OSBPL10: variants seen among roughly 807,000 people sequenced by gnomAD.
OSBPL10 encodes the protein oxysterol-binding protein-related protein 10.
OSBPL10 carries 49 observed loss-of-function variants against 81.7 expected under a neutral mutation model. That is an observed-to-expected ratio of 0.60 (90% CI 0.48 to 0.76). The LOEUF (loss-of-function observed/expected upper bound fraction) is 0.76, where lower values mean the gene tolerates loss of function less well. Ranked by LOEUF, OSBPL10 falls within the 30% of genes least tolerant of loss-of-function variation. OSBPL10 has a pLI of 0.00. For synonymous variants in OSBPL10, 419 were observed against 383.6 expected, an observed-to-expected ratio of 1.09 and a Z score of -1.08; for missense variants, 923 against 987.8, an observed-to-expected ratio of 0.93 and a Z score of 0.88.
rs79699499 is a variant in OSBPL10 at position 31,840,452 on chromosome 3, T to C, written c.538-10221A>G. Among the ~76,000 whole-genome samples, 1,165 of 152,292 alleles carry C rather than the reference T, an allele frequency of 7.6e-3. 22 individuals are homozygous for C. Among genetic ancestry groups the C allele is most frequent in the African/African-American group, 0.025 (1,056 of 41,550 alleles). ...AATGTTTCATGCTAAAAAAATTAAA[T>C]CACGACATCATCAACATGCCCAAGC... is the stretch of plus-strand genomic sequence containing the variant. On this transcript the variant is annotated intron_variant, in intron 3 of 11. Coordinates refer to ENST00000396556, the MANE Select transcript of OSBPL10 (RefSeq NM_017784.5).
chr3:31,783,977 A>T (rs893669767), intron 4 of OSBPL10, among the ~76,000 whole-genome samples: 47 of 150,992 alleles, frequency 3.1e-4, no homozygotes, highest in Non-Finnish European at 5.6e-4. Flanking sequence ...TCTTCTCTAT[A>T]AACCAAATGA....
At chr3:32,049,144 T>C (rs375474286) in intron 1 of OSBPL10, among the ~76,000 whole-genome samples, 56 of 152,308 alleles carry the variant, frequency 3.7e-4, no homozygotes, top group African/African-American at 1.3e-3. Flanking sequence ...ACTATAAGTA[T>C]ACTCAGTTGA....
At chr3:32,022,427 G>A (rs2125546115) in intron 2 of OSBPL10, among the ~76,000 whole-genome samples, 1 of 152,292 alleles carries the variant, frequency 6.6e-6, no homozygotes, top group Non-Finnish European at 1.5e-5. Flanking sequence ...CTACACATTG[G>A]TTTGACCTAA....
At chr3:31,907,137 A>T (rs1278244504) in intron 1 of OSBPL10, 1 of 152,208 alleles carries the variant, frequency 6.6e-6, no homozygotes, top group Non-Finnish European at 1.5e-5. Flanking sequence ...AGGGAGTAAA[A>T]GCAATAGCAA....
In OSBPL10 at chr3:31,679,391, G is replaced by A. The variant is rs773184669; in HGVS notation, c.1726+4243C>T. On this transcript the variant is annotated intron_variant, in intron 8 of 11. Transcript: ENST00000396556. ...TGGAGCATGAGCTCCCGGGGGCAGG[G>A]AATCTGTGTGCTGTGGCCTCTGCTG... 2.0e-5 allele frequency among the ~76,000 whole-genome samples: 3 copies of A among 152,300 alleles called. No individual in the cohort carries two copies. The East Asian group carries it at 5.8e-4, about 29-fold the overall frequency.
rs555143625 is a variant in OSBPL10 at position 31,907,865 on chromosome 3, G to A, written c.282-28035C>T. The stretch of plus-strand genomic sequence containing the variant: ...GCCCTTGTGGAACTGATATTCTAGG[G>A]GTGGGAAATAAATTATAAACATATA... On this transcript the variant is annotated intron_variant, in intron 1 of 11. Transcript: ENST00000396556. Among the ~76,000 whole-genome samples, 15 of 152,132 alleles carry A rather than the reference G, an allele frequency of 9.9e-5. No individual in the cohort carries two copies. In the East Asian group the frequency reaches 1.9e-3, roughly 20 times the overall value.
intron 6 of OSBPL10, chr3:31,721,594 T>C (rs1439613507): frequency 6.6e-6 from 1 of 152,224 alleles, no homozygotes; most frequent in Non-Finnish European, 1.5e-5. Context: ...GAATAAGTTA[T>C]TAGTGGAGGT....
intron 3 of OSBPL10, among the ~76,000 whole-genome samples, chr3:31,860,872 T>G (rs113402778): frequency 0.015 from 1,738 of 116,190 alleles, 31 homozygotes; most frequent in African/African-American, 0.046. Flanking sequence ...TTTTTTTGGG[T>G]TTTTTTTTTT....
chr3:31,846,966 A>G (rs1325007049), intron 3 of OSBPL10, among the ~76,000 whole-genome samples: 1 of 152,126 alleles, frequency 6.6e-6, no homozygotes, highest in African/African-American at 2.4e-5. Context: ...TTTTCTCTAC[A>G]AAGAACTTTT....
chr3:31,882,559 T>G (rs1695612682), intron 1 of OSBPL10, among the ~76,000 whole-genome samples: 1 of 152,234 alleles, frequency 6.6e-6, no homozygotes, highest in African/African-American at 2.4e-5. Flanking sequence ...ATCCCTTTCC[T>G]CCTCTTCCAG....
At chr3:31,666,173 G>C (rs905297130) in intron 10 of OSBPL10, among the ~76,000 whole-genome samples, 1 of 152,206 alleles carries the variant, frequency 6.6e-6, no homozygotes, top group Non-Finnish European at 1.5e-5. Flanking sequence ...AGTGGCTGAG[G>C]CAGGGCAGGA....
At chr3:31,792,119 C>T (rs942079994) in intron 4 of OSBPL10, among the ~76,000 whole-genome samples, 16 of 151,826 alleles carry the variant, frequency 1.1e-4, no homozygotes, top group Non-Finnish European at 1.8e-4. Context: ...GTCCCAGCTA[C>T]TCGTGACACT....
intron 1 of OSBPL10, among the ~76,000 whole-genome samples, chr3:31,926,289 G>GCCCCCCC (rs36122261): frequency 0.13 from 16,878 of 126,208 alleles, 1,802 homozygotes; most frequent in East Asian, 0.19. Context: ...GGGTGATTTT[G>GCCCCCCC]CCCCCCCAGA....
intron 2 of OSBPL10, among the ~76,000 whole-genome samples, chr3:32,038,951 C>T (rs570439377): frequency 2.6e-4 from 39 of 152,002 alleles, no homozygotes; most frequent in African/African-American, 8.9e-4. Flanking sequence ...AAGTCAAGTA[C>T]AGAGACAAAA....
intron 1 of OSBPL10, among the ~76,000 whole-genome samples, chr3:31,903,317 TTTTGC>T (rs543223527): frequency 7.5e-4 from 106 of 141,646 alleles, no homozygotes; most frequent in Admixed American, 2.3e-3. Context: ...CCTTGTTTTG[TTTTGC>T]TTTTTAGGTT....
chr3:32,027,174 C>T (rs1047354685), intron 2 of OSBPL10, among the ~76,000 whole-genome samples: 2 of 152,120 alleles, frequency 1.3e-5, no homozygotes, highest in African/African-American at 4.8e-5. Flanking sequence ...TGCTCTCCCT[C>T]CCTTTGCCCC....
At chr3:31,694,928 A>AT (rs1695669010) in intron 7 of OSBPL10, among the ~76,000 whole-genome samples, 1 of 152,106 alleles carries the variant, frequency 6.6e-6, no homozygotes, top group African/African-American at 2.4e-5. Context: ...CTAATTTTGT[A>AT]TTTTTAGTAG....
At chr3:31,890,804 G>A (rs185542733) in intron 1 of OSBPL10, among the ~76,000 whole-genome samples, 13 of 152,172 alleles carry the variant, frequency 8.5e-5, no homozygotes, top group African/African-American at 2.2e-4. Flanking sequence ...ACCAATCTGC[G>A]TCTTAATGCT....
intron 4 of OSBPL10, among the ~76,000 whole-genome samples, chr3:31,796,948 AC>A (rs1278317473): frequency 6.6e-6 from 1 of 151,370 alleles, no homozygotes; most frequent in East Asian, 1.9e-4. Flanking sequence ...TTCAAGAGAG[AC>A]TGATGAACCT....
Sources: gnomAD v4.1 joint callset for allele counts (sites outside exome capture counted in the v4.1 genomes callset) on GRCh38, gnomAD v4.1.1 for gene constraint, MANE v1.5 for transcripts, NCBI Gene and HGNC (gene_info 2026-07-23, HGNC 2026-07-21) for gene names.